The following BRAF variants were observed in gnomAD, a reference collection of about 807,000 sequenced individuals.
BRAF encodes the protein serine/threonine-protein kinase B-raf.
A neutral mutation model predicts 104.6 loss-of-function variants in BRAF; 16 were observed. The ratio of observed to expected loss-of-function variants is 0.15; its 90% CI spans 0.10 to 0.23. The LOEUF is 0.23. BRAF is among the 10% of genes least tolerant of loss of function. The probability of loss-of-function intolerance (pLI) is 1.00; values close to 1 mark genes in which losing one functional copy is unlikely to be tolerated. For synonymous variants in BRAF, 310 were observed against 341.6 expected (o/e 0.91, Z 1.02); for missense variants, 541 against 937.3 (o/e 0.58, Z 5.52).
chr7:140,841,055 G>GT (rs1562989116), intron 2 of BRAF, among the ~76,000 whole-genome samples: 1 of 151,930 alleles, frequency 6.6e-6, no homozygotes, highest in East Asian at 1.9e-4. Flanking sequence ...GACAAACCCA[G>GT]TTTTTTTAAG....
intron 14 of BRAF, among the ~76,000 whole-genome samples, chr7:140,756,416 G>C (rs1211460445): frequency 6.6e-6 from 1 of 152,036 alleles, no homozygotes; most frequent in Non-Finnish European, 1.5e-5. Flanking sequence ...AGAGAAATGG[G>C]ATGAGACACA....
At chr7:140,774,449 G>A (rs993551400) in intron 14 of BRAF, among the ~76,000 whole-genome samples, 1 of 152,104 alleles carries the variant, frequency 6.6e-6, no homozygotes, top group Non-Finnish European at 1.5e-5. Context: ...CTTCTTTACT[G>A]TTACTTCTTG....
At chr7:140,801,961 G>C (rs1289785346) in intron 5 of BRAF, among the ~76,000 whole-genome samples, 1 of 152,094 alleles carries the variant, frequency 6.6e-6, no homozygotes, top group Non-Finnish European at 1.5e-5. Flanking sequence ...AACAAGAAAG[G>C]CATATATTAA....
chr7:140,799,944 C>G (rs1802911400), intron 7 of BRAF: 1 of 366,794 alleles, frequency 2.7e-6, no homozygotes, highest in Admixed American at 4.3e-5. Context: ...CTGAAATAGT[C>G]TATGTCAGCT....
intron 3 of BRAF, among the ~76,000 whole-genome samples, chr7:140,825,385 T>C (rs897801954): frequency 6.6e-6 from 1 of 152,218 alleles, no homozygotes; most frequent in Non-Finnish European, 1.5e-5. Context: ...CTCTTAATAC[T>C]GTCTTTTGAA....
chr7:140,909,794 C>G (rs532340257), intron 1 of BRAF, among the ~76,000 whole-genome samples: 1 of 150,770 alleles, frequency 6.6e-6, no homozygotes, highest in Non-Finnish European at 1.5e-5. Flanking sequence ...GCAACAAGAG[C>G]GAAACTCCGT....
At chr7:140,808,466 TA>T in intron 4 of BRAF, 3 of 335,440 alleles carry the variant, frequency 8.9e-6, no homozygotes, top group Non-Finnish European at 1.7e-5. Flanking sequence ...TTTTTTTTTT[TA>T]AAGAGGATTC....
intron 17 of BRAF, among the ~76,000 whole-genome samples, chr7:140,742,975 C>T (rs1402461683): frequency 1.3e-5 from 2 of 152,146 alleles, no homozygotes; most frequent in African/African-American, 4.8e-5. Flanking sequence ...TGAAAAAATG[C>T]TCACCATCAC....
chr7:140,823,215 G>GT (rs1408446623), intron 3 of BRAF, among the ~76,000 whole-genome samples: 5 of 152,104 alleles, frequency 3.3e-5, no homozygotes, highest in African/African-American at 1.2e-4. Flanking sequence ...ATTTTTAAGT[G>GT]TACAATTCAG....
chr7:140,904,082 G>T (rs1244761522), intron 1 of BRAF, among the ~76,000 whole-genome samples: 2 of 152,240 alleles, frequency 1.3e-5, no homozygotes, highest in Non-Finnish European at 2.9e-5. Context: ...TGAAGCACTG[G>T]CAGATCTGAG....
At position 140,777,040 on chromosome 7, in the gene BRAF, C is replaced by T. The variant is rs1800398882; in HGVS notation, c.1686G>A (p.Lys562=). The part of the protein sequence containing the change: ...NILLFMGYST[K]PQLAIVTQWC... Reference sequence around the variant, plus strand: ...ACTGGGTAACAATAGCCAGTTGTGGCTTTGTGGAATAGCCCATGAAGAGTA... The same window carrying T: ...ACTGGGTAACAATAGCCAGTTGTGGTTTTGTGGAATAGCCCATGAAGAGTA... Residue 562 remains lysine, a synonymous_variant, in exon 14 of 20, where the codon AAG becomes AAA. Coordinates refer to ENST00000644969, the MANE Select transcript of BRAF (RefSeq NM_001374258.1). 3 of 1,613,838 alleles carry T rather than the reference C, an allele frequency of 1.9e-6. No individual in the cohort carries two copies. Among genetic ancestry groups the T allele is most frequent in the Non-Finnish European group, 2.5e-6 (3 of 1,179,918 alleles).
At chr7:140,854,881 G>T (rs1298725654) in intron 1 of BRAF, among the ~76,000 whole-genome samples, 1 of 152,096 alleles carries the variant, frequency 6.6e-6, no homozygotes, top group African/African-American at 2.4e-5. Flanking sequence ...GGAGGCGGAG[G>T]TTGCAGTGAG....
At chr7:140,877,650 A>T (rs1055151264) in intron 1 of BRAF, among the ~76,000 whole-genome samples, 1 of 152,138 alleles carries the variant, frequency 6.6e-6, no homozygotes, top group Non-Finnish European at 1.5e-5. Context: ...TAACAATATC[A>T]GTAATAAAAA....
At chr7:140,878,807 C>T (rs1021719442) in intron 1 of BRAF, among the ~76,000 whole-genome samples, 1 of 152,148 alleles carries the variant, frequency 6.6e-6, no homozygotes, top group Admixed American at 6.5e-5. Context: ...TTGACTTCAG[C>T]ATTGCGCACT....
intron 2 of BRAF, among the ~76,000 whole-genome samples, chr7:140,846,656 A>G (rs1204937689): frequency 1.3e-5 from 2 of 152,192 alleles, no homozygotes; most frequent in Non-Finnish European, 2.9e-5. Context: ...ATACTTAAAA[A>G]TGGTTAAAAT....
chr7:140,794,732 G>A (rs1802340362), intron 7 of BRAF, among the ~76,000 whole-genome samples: 1 of 152,044 alleles, frequency 6.6e-6, no homozygotes, highest in South Asian at 2.1e-4. Flanking sequence ...ATTTACTTAT[G>A]GCTAGAAATT....
rs1027132182 is a variant in BRAF at position 140,723,988 on chromosome 7, A to G, written c.*2506T>C. On this transcript the variant is annotated 3_prime_UTR_variant, in exon 20 of 20. Transcript: ENST00000644969. Reference sequence around the variant, plus strand: ...ACCTATTTCATAGAAAAAGGAAGAAAAGAGAGGTTTAAATATTTTATTTTT... The same window carrying G: ...ACCTATTTCATAGAAAAAGGAAGAAGAGAGAGGTTTAAATATTTTATTTTT... 6 of 1,042,060 alleles carry G rather than the reference A, an allele frequency of 5.8e-6. No individual in the cohort carries two copies. Among genetic ancestry groups the G allele is most frequent in the Admixed American group, 5.6e-5 (1 of 17,966 alleles). The allele number at this position is 1,042,060 out of a possible 1,614,324, so 64.6% of individuals were successfully genotyped here. A position where few individuals can be genotyped will look rare whatever the true frequency, so the allele number is the denominator to read the frequency against.
At chr7:140,843,289 G>C (rs1239212946) in intron 2 of BRAF, among the ~76,000 whole-genome samples, 1 of 152,194 alleles carries the variant, frequency 6.6e-6, no homozygotes, top group Admixed American at 6.5e-5. Context: ...TCTGCTTTCT[G>C]CTTTGAGGAG....
intron 17 of BRAF, chr7:140,741,595 C>T (rs1457164639): frequency 6.6e-6 from 1 of 152,106 alleles, no homozygotes; most frequent in Non-Finnish European, 1.5e-5. Flanking sequence ...TGTATCTTAT[C>T]TAAGTTCTCC....
Sources: gnomAD v4.1 joint callset for allele counts (sites outside exome capture counted in the v4.1 genomes callset) on GRCh38, gnomAD v4.1.1 for gene constraint, MANE v1.5 for transcripts, NCBI Gene and HGNC (gene_info 2026-07-23, HGNC 2026-07-21) for gene names.